The following ABTB3 variants were observed in gnomAD, a reference collection of about 807,000 sequenced individuals.
ABTB3 encodes ankyrin repeat and BTB domain containing 3, also known as ankyrin repeat- and BTB/POZ domain-containing protein 3.
chr12:107,467,205 G>A, the ABTB3 span, among the ~76,000 whole-genome samples: 1 of 152,136 alleles, frequency 6.6e-6, no homozygotes, highest in Non-Finnish European at 1.5e-5. Context: ...TTTGCTGTCT[G>A]AAGAGTTGAG....
chr12:107,463,346 A>G, the ABTB3 span, among the ~76,000 whole-genome samples: 3 of 151,960 alleles, frequency 2.0e-5, no homozygotes, highest in Non-Finnish European at 1.5e-5. Flanking sequence ...GATGATGATG[A>G]TGGTGGTGAT....
the ABTB3 span, among the ~76,000 whole-genome samples, chr12:107,526,824 C>T: frequency 1.3e-5 from 2 of 152,116 alleles, no homozygotes; most frequent in Admixed American, 6.5e-5. Context: ...ACAAAAACAG[C>T]GCTTTTTGCT....
the ABTB3 span, among the ~76,000 whole-genome samples, chr12:107,630,165 C>T: frequency 6.6e-6 from 1 of 152,186 alleles, no homozygotes; most frequent in East Asian, 1.9e-4. Flanking sequence ...GCTAGAAAGC[C>T]TCGTAAAAGG....
chr12:107,421,164 C>A, the ABTB3 span, among the ~76,000 whole-genome samples: 1 of 152,148 alleles, frequency 6.6e-6, no homozygotes, highest in Non-Finnish European at 1.5e-5. Flanking sequence ...GAAACACAGT[C>A]CTACTGAGAG....
chr12:107,496,903 T>C, the ABTB3 span, among the ~76,000 whole-genome samples: 5 of 152,272 alleles, frequency 3.3e-5, no homozygotes, highest in African/African-American at 1.2e-4. Context: ...ACCGTGATTA[T>C]TGTTTCTATT....
the ABTB3 span, among the ~76,000 whole-genome samples, chr12:107,413,243 C>T: frequency 7.2e-5 from 11 of 152,086 alleles, no homozygotes; most frequent in African/African-American, 2.7e-4. Context: ...CACTGCACTC[C>T]AGCCTGGGCG....
chr12:107,573,464 C>CGATGGATG, the ABTB3 span, among the ~76,000 whole-genome samples: 16,407 of 139,490 alleles, frequency 0.12, 1,028 homozygotes, highest in East Asian at 0.21. Flanking sequence ...GTGGATGAAT[C>CGATGGATG]GATGGATGGA....
chr12:107,325,359 A>AC, the ABTB3 span, among the ~76,000 whole-genome samples: 2 of 152,164 alleles, frequency 1.3e-5, no homozygotes, highest in Admixed American at 1.3e-4. Flanking sequence ...CACAGAAGGA[A>AC]CCCATCTTCT....
the ABTB3 span, among the ~76,000 whole-genome samples, chr12:107,637,227 C>G: frequency 2.6e-5 from 4 of 152,222 alleles, no homozygotes; most frequent in Middle Eastern, 3.4e-3. Flanking sequence ...CATGTCTCTA[C>G]TAAAAATACA....
chr12:107,554,687 G>A, the ABTB3 span, among the ~76,000 whole-genome samples: 1 of 152,288 alleles, frequency 6.6e-6, no homozygotes, highest in South Asian at 2.1e-4. Flanking sequence ...TTAAAATGCA[G>A]ATCCTATTCA....
At chr12:107,439,333 A>G in the ABTB3 span, among the ~76,000 whole-genome samples, 1 of 152,332 alleles carries the variant, frequency 6.6e-6, no homozygotes, top group East Asian at 1.9e-4. Context: ...CACTCAGACC[A>G]ATCAGCTCCT....
the ABTB3 span, among the ~76,000 whole-genome samples, chr12:107,510,707 G>T: frequency 2.0e-5 from 3 of 152,088 alleles, no homozygotes; most frequent in Non-Finnish European, 2.9e-5. Flanking sequence ...GATCACTAGA[G>T]CTCAGGAGTT....
At chr12:107,496,761 C>T in the ABTB3 span, among the ~76,000 whole-genome samples, 29 of 152,242 alleles carry the variant, frequency 1.9e-4, no homozygotes, top group African/African-American at 3.1e-4. Context: ...CCCCACTTTA[C>T]GGAAGAGGAA....
chr12:107,348,284 T>C, the ABTB3 span, among the ~76,000 whole-genome samples: 9 of 151,966 alleles, frequency 5.9e-5, no homozygotes, highest in African/African-American at 1.7e-4. Context: ...TACTCATATC[T>C]ACACACACAC....
the ABTB3 span, among the ~76,000 whole-genome samples, chr12:107,454,270 C>T: frequency 2.6e-5 from 4 of 152,244 alleles, no homozygotes; most frequent in Non-Finnish European, 4.4e-5. Flanking sequence ...CCATTATTCA[C>T]AGGGCCCAGT....
At chr12:107,434,975 G>C in the ABTB3 span, among the ~76,000 whole-genome samples, 2 of 152,152 alleles carry the variant, frequency 1.3e-5, no homozygotes, top group Non-Finnish European at 2.9e-5. Flanking sequence ...GTGGCCAGTT[G>C]CCTCTTGGGT....
the ABTB3 span, chr12:107,635,354 C>T: frequency 6.2e-7 from 1 of 1,613,938 alleles, no homozygotes; most frequent in Non-Finnish European, 8.5e-7. Flanking sequence ...CATCCCCAAG[C>T]TCACAGAAAT....
chr12:107,416,070 G>A, the ABTB3 span, among the ~76,000 whole-genome samples: 2 of 152,186 alleles, frequency 1.3e-5, no homozygotes, highest in South Asian at 2.1e-4. Context: ...TCGGGCAGGC[G>A]CAGCTGCAAA....
chr12:107,433,432 G>T, the ABTB3 span, among the ~76,000 whole-genome samples: 1 of 151,810 alleles, frequency 6.6e-6, no homozygotes, highest in Non-Finnish European at 1.5e-5. Context: ...ATTGGGAAAA[G>T]AGTAGAGCAT....
Sources: allele counts gnomAD v4.1 joint callset (sites outside exome capture counted in the v4.1 genomes callset), GRCh38; gene constraint gnomAD v4.1.1; transcripts MANE v1.5; gene names NCBI Gene and HGNC (gene_info 2026-07-23, HGNC 2026-07-21).